ADAM22: variants seen among roughly 807,000 people sequenced by gnomAD.
ADAM22 encodes the protein disintegrin and metalloproteinase domain-containing protein 22.
A neutral mutation model predicts 144.6 loss-of-function variants in ADAM22; 65 were observed. That is an observed-to-expected ratio of 0.45 (90% CI 0.37 to 0.55). The LOEUF (loss-of-function observed/expected upper bound fraction) is 0.55, where lower values mean the gene tolerates loss of function less well. ADAM22 is among the 20% of genes least tolerant of loss of function. The probability of loss-of-function intolerance (pLI) is 0.00; values close to 1 mark genes in which losing one functional copy is unlikely to be tolerated. For synonymous variants in ADAM22, 391 were observed against 412.6 expected, an observed-to-expected ratio of 0.95 and a Z score of 0.63; for missense variants, 974 against 1,184.9, an observed-to-expected ratio of 0.82 and a Z score of 2.61.
At chr7:88,050,383 G>A (rs1192734855) in intron 3 of ADAM22, among the ~76,000 whole-genome samples, 1 of 149,686 alleles carries the variant, frequency 6.7e-6, no homozygotes, top group Non-Finnish European at 1.5e-5. Context: ...GGGTGTCAGA[G>A]TGAGACCCTG....
intron 3 of ADAM22, among the ~76,000 whole-genome samples, chr7:88,050,483 T>G (rs1283974727): frequency 2.0e-5 from 1 of 50,110 alleles, no homozygotes; most frequent in Non-Finnish European, 3.7e-5. Context: ...TCAGGATAAC[T>G]CAAAAAAAAA....
At chr7:87,934,825 G>A in intron 1 of ADAM22, 1 of 728,000 alleles carries the variant, frequency 1.4e-6, no homozygotes, top group Non-Finnish European at 2.3e-6. Flanking sequence ...TCTGGGCCCC[G>A]CTCCTGGTTG....
intron 3 of ADAM22, among the ~76,000 whole-genome samples, chr7:88,060,253 A>G (rs1809424002): frequency 6.6e-6 from 1 of 152,206 alleles, no homozygotes; most frequent in African/African-American, 2.4e-5. Flanking sequence ...TCTTAAAATA[A>G]CAATTAAGTT....
intron 15 of ADAM22, 68 bp from the exon 16 acceptor site, chr7:88,145,057 T>C (rs1266247386): frequency 2.1e-6 from 3 of 1,411,506 alleles, no homozygotes; most frequent in African/African-American, 2.9e-5. Context: ...GTATGGCACT[T>C]ATGGTCTCTC....
chr7:87,976,058 C>T (rs770712448), intron 2 of ADAM22, among the ~76,000 whole-genome samples: 14 of 152,248 alleles, frequency 9.2e-5, no homozygotes, highest in Non-Finnish European at 1.9e-4. Context: ...TTCATTTATA[C>T]ATCCAGGGGA....
intron 2 of ADAM22, among the ~76,000 whole-genome samples, chr7:87,948,845 T>C (rs1188648772): frequency 6.6e-6 from 1 of 152,150 alleles, no homozygotes; most frequent in Non-Finnish European, 1.5e-5. Context: ...GGGCTCACAA[T>C]TGGTTATTCA....
intron 3 of ADAM22, among the ~76,000 whole-genome samples, chr7:88,063,642 G>C (rs1246839840): frequency 6.6e-6 from 1 of 152,168 alleles, no homozygotes; most frequent in Non-Finnish European, 1.5e-5. Context: ...GTGAATGAAA[G>C]AAGACCCACA....
chr7:88,149,879 C>A (rs1837808430), intron 18 of ADAM22, among the ~76,000 whole-genome samples: 1 of 152,048 alleles, frequency 6.6e-6, no homozygotes, highest in Non-Finnish European at 1.5e-5. Context: ...TAGAGCTTGC[C>A]TTCTTATAAG....
At chr7:88,095,916 C>T (rs1221440917) in intron 4 of ADAM22, among the ~76,000 whole-genome samples, 1 of 146,694 alleles carries the variant, frequency 6.8e-6, no homozygotes, top group Non-Finnish European at 1.5e-5. Flanking sequence ...AATACTCTCT[C>T]CCCACCCGCC....
chr7:88,107,945 A>G lies in ADAM22; in HGVS notation c.391-231A>G, dbSNP rs191921273. ...TGTTCCTCTAATATCACCTACATAA[A>G]AGAAAGGTCAAGTCAACTTTTATTT... is the stretch of plus-strand genomic sequence containing the variant. On this transcript the variant is annotated intron_variant, in intron 4 of 31. Coordinates refer to ENST00000413139, the MANE Select transcript of ADAM22 (RefSeq NM_001324418.2). Among the ~76,000 whole-genome samples, 287 of 152,266 alleles carry G rather than the reference A, an allele frequency of 1.9e-3. 3 individuals carry two copies. The highest frequency in any genetic ancestry group is 6.5e-3 in the African/African-American group (270 of 41,556).
At chr7:88,147,258 C>G (rs1293993364) in intron 17 of ADAM22, among the ~76,000 whole-genome samples, 1 of 152,172 alleles carries the variant, frequency 6.6e-6, no homozygotes, top group Admixed American at 6.5e-5. Flanking sequence ...CACCTGCCAC[C>G]CTAGACTCCT....
chr7:88,119,545 A>G (rs893025235), intron 7 of ADAM22, among the ~76,000 whole-genome samples: 3 of 152,130 alleles, frequency 2.0e-5, no homozygotes, highest in Admixed American at 6.5e-5. Flanking sequence ...CTGGAGTGCA[A>G]TAGTGCGATC....
intron 30 of ADAM22, among the ~76,000 whole-genome samples, chr7:88,192,251 C>T (rs1243083055): frequency 2.0e-5 from 3 of 152,158 alleles, no homozygotes; most frequent in African/African-American, 4.8e-5. Context: ...GTAGTGGTAA[C>T]GTTTGTGAAT....
chr7:87,941,473 T>C (rs1472117698), intron 2 of ADAM22, among the ~76,000 whole-genome samples: 1 of 152,164 alleles, frequency 6.6e-6, no homozygotes, highest in African/African-American at 2.4e-5. Context: ...ATTACAACTT[T>C]GGAAGTATTT....
intron 3 of ADAM22, among the ~76,000 whole-genome samples, chr7:88,037,247 T>C (rs1031507383): frequency 1.3e-5 from 2 of 152,174 alleles, no homozygotes; most frequent in African/African-American, 4.8e-5. Flanking sequence ...TTGAGATGTT[T>C]TTGACATCTG....
rs753190347 is a variant in ADAM22 at position 88,130,412 on chromosome 7, G to A, written c.778G>A (p.Val260Ile). The part of the protein sequence containing the change: ...LMFKKHRLSV[V>I]HTNTYAKSVV... Reference sequence around the variant, plus strand: ...GTTTAAAAAACATCGGCTTTCCGTTGTACATACCAATACCTATGCGAAATC... The same window carrying A: ...GTTTAAAAAACATCGGCTTTCCGTTATACATACCAATACCTATGCGAAATC... The change falls in exon 10 of 32, where the codon GTA becomes ATA. Residue 260 changes from valine to isoleucine, a missense_variant. By Grantham distance (29) the Val-to-Ile change is conservative (BLOSUM62 3). This residue lies in a region of ADAM22 where 734 missense variants were observed against 950.6 expected (regional missense o/e 0.77). Coordinates refer to ENST00000413139, the MANE Select transcript of ADAM22 (RefSeq NM_001324418.2). 5 of 1,612,762 alleles carry A rather than the reference G, an allele frequency of 3.1e-6. No homozygotes were observed. The highest frequency in any genetic ancestry group is 4.5e-5 in the East Asian group (2 of 44,828).
In ADAM22 at chr7:87,971,695, C is replaced by T. The variant is rs114676370; in HGVS notation, c.247-6641C>T. 3.3e-3 allele frequency among the ~76,000 whole-genome samples: 500 copies of T among 152,156 alleles called. 6 individuals carry two copies. The highest frequency in any genetic ancestry group is 0.011 in the African/African-American group (475 of 41,496). ...CCTTGACAGTACCTTAGCCTGTGTC[C>T]CCCACCAAAGGAAATTCTTGGTATT... On this transcript the variant is annotated intron_variant, in intron 2 of 31. Coordinates refer to ENST00000413139, the MANE Select transcript of ADAM22 (RefSeq NM_001324418.2).
chr7:87,952,723 G>A (rs1415720052), intron 2 of ADAM22, among the ~76,000 whole-genome samples: 1 of 152,096 alleles, frequency 6.6e-6, no homozygotes, highest in South Asian at 2.1e-4. Context: ...AATGGTACCA[G>A]TTCCTCCTTG....
rs1317882705 is a variant in ADAM22, at chr7:88,181,616, G to T, written c.2596+11G>T. ...GTAACTCTTGGCAAGGTAGAGGCTGGCATTCTGAATCTGTCTGTCCACATA... is the reference window on the plus strand; with the variant it reads ...GTAACTCTTGGCAAGGTAGAGGCTGTCATTCTGAATCTGTCTGTCCACATA... On this transcript the variant is annotated intron_variant, in intron 28 of 31. Transcript: ENST00000413139. 3 of 1,605,718 alleles carry T rather than the reference G, an allele frequency of 1.9e-6. No homozygotes were observed. In the African/African-American group the frequency reaches 4.0e-5, roughly 22 times the overall value.
Sources: allele counts gnomAD v4.1 joint callset (sites outside exome capture counted in the v4.1 genomes callset), GRCh38; gene constraint gnomAD v4.1.1; regional missense constraint gnomAD v4.1.1; transcripts MANE v1.5; gene names NCBI Gene and HGNC (gene_info 2026-07-23, HGNC 2026-07-21).